The following STAG2 variants were observed in gnomAD, a reference collection of about 807,000 sequenced individuals.
The protein encoded by STAG2 is STAG2 cohesin complex component.
STAG2 carries 14 observed loss-of-function variants against 108.1 expected under a neutral mutation model. The observed-to-expected ratio is 0.13, with a 90% confidence interval of 0.09 to 0.20. STAG2 has a LOEUF of 0.20. STAG2 is among the 10% of genes least tolerant of loss of function. The pLI, the probability that STAG2 is intolerant of heterozygous loss-of-function variation, is 1.00. For synonymous variants in STAG2, 307 were observed against 302.7 expected (o/e 1.01, Z -0.15); for missense variants, 440 against 940.9 (o/e 0.47, Z 6.96).
At chrX:124,087,250 G>A (rs997709382) in intron 30 of STAG2, among the ~76,000 whole-genome samples, 1 of 112,062 alleles carries the variant, frequency 8.9e-6, no homozygotes, top group Non-Finnish European at 1.9e-5. Flanking sequence ...GAGTGCTATC[G>A]TATTAGAGGT....
intron 9 of STAG2, among the ~76,000 whole-genome samples, chrX:124,047,707 G>A (rs939348574): frequency 1.8e-5 from 2 of 111,905 alleles, no homozygotes; most frequent in Non-Finnish European, 3.8e-5. Flanking sequence ...GCGTGGACTA[G>A]TATTAAGAGT....
intron 1 of STAG2, among the ~76,000 whole-genome samples, chrX:123,993,294 A>C (rs1347667010): frequency 9.0e-6 from 1 of 111,474 alleles, no homozygotes; most frequent in African/African-American, 3.3e-5. Flanking sequence ...CACAAAAAAC[A>C]ATTTTTAAAA....
chrX:123,996,891 A>G (rs1299448436), intron 1 of STAG2, among the ~76,000 whole-genome samples: 2 of 112,592 alleles, frequency 1.8e-5, no homozygotes, highest in Non-Finnish European at 3.8e-5. Context: ...ATTTGAGTCT[A>G]GCATCCATTT....
intron 3 of STAG2, among the ~76,000 whole-genome samples, chrX:124,023,718 A>C (rs1296768544): frequency 8.9e-6 from 1 of 111,957 alleles, no homozygotes; most frequent in Non-Finnish European, 1.9e-5. Context: ...AAGATTATGA[A>C]GTTTCTTATA....
chrX:123,985,814 G>A (rs1226314100), intron 1 of STAG2, among the ~76,000 whole-genome samples: 1 of 108,755 alleles, frequency 9.2e-6, no homozygotes, highest in Non-Finnish European at 1.9e-5. Context: ...CTGGGCTTAA[G>A]CCATCCTCCC....
chrX:124,044,418 C>G (rs1277236202), intron 7 of STAG2, among the ~76,000 whole-genome samples: 1 of 111,873 alleles, frequency 8.9e-6, no homozygotes. Flanking sequence ...AAAAAATGTT[C>G]TGTTGACAAA....
intron 1 of STAG2, among the ~76,000 whole-genome samples, chrX:124,020,738 C>G (rs1179777464): frequency 8.9e-6 from 1 of 111,886 alleles, no homozygotes; most frequent in Non-Finnish European, 1.9e-5. Context: ...GAGACAGAGT[C>G]TCGCTTTGTC....
chrX:124,000,904 T>G (rs1287928771), intron 1 of STAG2, among the ~76,000 whole-genome samples: 1 of 110,642 alleles, frequency 9.0e-6, no homozygotes, highest in African/African-American at 3.3e-5. Context: ...ACGAAAAAGT[T>G]TGAAAACAAA....
intron 8 of STAG2, among the ~76,000 whole-genome samples, chrX:124,046,391 A>C (rs758152314): frequency 1.1e-4 from 12 of 112,170 alleles, no homozygotes; most frequent in Non-Finnish European, 2.3e-4. Context: ...CAATGTCAAT[A>C]ACTTGATGGC....
At chrX:124,026,899 T>G (rs1288674832) in intron 4 of STAG2, among the ~76,000 whole-genome samples, 1 of 111,388 alleles carries the variant, frequency 9.0e-6, no homozygotes, top group Non-Finnish European at 1.9e-5. Context: ...AATTTATTTG[T>G]TTTTTTGGAG....
At chrX:124,058,062 CT>C in intron 15 of STAG2, 85 bp downstream of exon 15, 1 of 459,278 alleles carries the variant, frequency 2.2e-6, no homozygotes, top group Non-Finnish European at 3.4e-6. Context: ...AAAAATATTC[CT>C]TGTAGCACAG....
chrX:124,053,700 T>TA (rs2058107987), intron 13 of STAG2, among the ~76,000 whole-genome samples: 1 of 111,722 alleles, frequency 9.0e-6, no homozygotes, highest in African/African-American at 3.2e-5. Flanking sequence ...AATGACCATG[T>TA]AAGGCTTTCA....
intron 1 of STAG2, among the ~76,000 whole-genome samples, chrX:123,998,905 G>T (rs762176673): frequency 9.0e-6 from 1 of 110,728 alleles, no homozygotes; most frequent in East Asian, 2.8e-4. Flanking sequence ...AGTATCACGA[G>T]ACCAGCCTGG....
intron 10 of STAG2, among the ~76,000 whole-genome samples, chrX:124,049,513 G>T (rs1394430092): frequency 1.8e-5 from 2 of 111,992 alleles, no homozygotes; most frequent in Non-Finnish European, 3.8e-5. Context: ...ATAAATTTAT[G>T]CTGTAACCTA....
intron 10 of STAG2, 51 bp downstream of exon 10, chrX:124,049,129 G>T: frequency 2.0e-6 from 2 of 976,435 alleles, no homozygotes; most frequent in Non-Finnish European, 2.9e-6. Flanking sequence ...TTTCTACTCA[G>T]CAAGTTTGCA....
At position 123,982,752 on chromosome X, in the gene STAG2, CTTTTTTTTTGCCCTTTTT is replaced by C. The variant is rs1272806919; in HGVS notation, c.-163+20909_-163+20926del. The stretch of plus-strand genomic sequence containing the variant: ...CTTTAGTCTTTTTTTTTTTTTTTGC[CTTTTTTTTTGCCCTTTTT>C]TTTTTTTTTGCCGTATCATGAACCA... On this transcript the variant is annotated intron_variant, in intron 1 of 34. Transcript: ENST00000371145. Among the ~76,000 whole-genome samples, 40 of 74,310 alleles carry C rather than the reference CTTTTTTTTTGCCCTTTTT, an allele frequency of 5.4e-4. No individual in the cohort carries two copies. In the South Asian group the frequency reaches 0.03, roughly 56 times the overall value. The allele number at this position is 74,310 out of a possible 115,157, so 64.5% of individuals were successfully genotyped here. A position where few individuals can be genotyped will look rare whatever the true frequency, so the allele number is the denominator to read the frequency against.
intron 1 of STAG2, among the ~76,000 whole-genome samples, chrX:123,965,755 A>C (rs1364371714): frequency 9.0e-6 from 1 of 111,123 alleles, no homozygotes; most frequent in Non-Finnish European, 1.9e-5. Context: ...ACACTTTGGG[A>C]GGCTGAGAGG....
At position 124,048,853 on chromosome X, in the gene STAG2, T is replaced by C. The variant is rs189100381; in HGVS notation, c.820-152T>C. ...TTTATCTACCTGGTAATATAACTGTTAATTTTTCTATATGGTTACTGTTGT... is the reference window on the plus strand; with the variant it reads ...TTTATCTACCTGGTAATATAACTGTCAATTTTTCTATATGGTTACTGTTGT... On this transcript the variant is annotated intron_variant, in intron 9 of 34. Coordinates refer to ENST00000371145, the MANE Select transcript of STAG2 (RefSeq NM_001042750.2). 25 of 439,720 alleles carry C rather than the reference T, an allele frequency of 5.7e-5. No individual in the cohort carries two copies. The Admixed American group carries it at 1.2e-3, about 21-fold the overall frequency. 36.2% of individuals were successfully genotyped at this position (439,720 alleles called of 1,213,427 possible). A position where few individuals can be genotyped will look rare whatever the true frequency, so the allele number is the denominator to read the frequency against.
intron 1 of STAG2, among the ~76,000 whole-genome samples, chrX:124,013,433 A>G (rs1462857657): frequency 1.8e-5 from 2 of 111,434 alleles, no homozygotes; most frequent in African/African-American, 3.3e-5. Flanking sequence ...TATTAAAACA[A>G]TTATTAGCTA....
Sources: gnomAD v4.1 joint callset for allele counts (sites outside exome capture counted in the v4.1 genomes callset) on GRCh38, gnomAD v4.1.1 for gene constraint, MANE v1.5 for transcripts, NCBI Gene and HGNC (gene_info 2026-07-23, HGNC 2026-07-21) for gene names.